The following MGAT4C variants were observed in gnomAD, a reference collection of about 807,000 sequenced individuals.
MGAT4C encodes the protein alpha-1,3-mannosyl-glycoprotein 4-beta-N-acetylglucosaminyltransferase C.
Under a neutral mutation model 40.1 loss-of-function variants are expected in MGAT4C, and 19 were observed. The ratio of observed to expected loss-of-function variants is 0.47; its 90% confidence interval spans 0.33 to 0.70. The LOEUF (loss-of-function observed/expected upper bound fraction) is 0.70, where lower values mean the gene tolerates loss of function less well. Ranked by LOEUF, MGAT4C falls within the 30% of genes least tolerant of loss-of-function variation. MGAT4C has a pLI of 0.02. For missense variants in MGAT4C, 491 were observed against 563.2 expected, an observed-to-expected ratio of 0.87 and a Z score of 1.30; for synonymous variants, 181 against 187.1, an observed-to-expected ratio of 0.97 and a Z score of 0.27.
chr12:86,392,002 TGATGA>T (rs2136229038), intron 3 of MGAT4C, among the ~76,000 whole-genome samples: 1 of 152,322 alleles, frequency 6.6e-6, no homozygotes, highest in South Asian at 2.1e-4. Flanking sequence ...GTTTTCTTAC[TGATGA>T]GATGAGGATA....
intron 2 of MGAT4C, among the ~76,000 whole-genome samples, chr12:86,614,234 T>A (rs560809724): frequency 2.0e-5 from 3 of 152,288 alleles, no homozygotes; most frequent in African/African-American, 7.2e-5. Flanking sequence ...ACAAGCAGAT[T>A]ACATCCTCCA....
intron 1 of MGAT4C, among the ~76,000 whole-genome samples, chr12:86,768,335 G>A (rs1951555560): frequency 6.6e-6 from 1 of 152,096 alleles, no homozygotes; most frequent in African/African-American, 2.4e-5. Flanking sequence ...TCTTCAAGGA[G>A]AACAACAAAC....
chr12:86,138,477 C>CCATATATATATTTCCATAGATATAT (rs1882303814), intron 1 of MGAT4C, among the ~76,000 whole-genome samples: 4 of 125,058 alleles, frequency 3.2e-5, no homozygotes, highest in Admixed American at 9.0e-5. Context: ...CCATATATAT[C>CCATATATATATTTCCATAGATATAT]CATATATATA....
In MGAT4C at chr12:86,641,298, T is replaced by G. The variant is rs1451169607; in HGVS notation, c.-229+85911A>C. Among the ~76,000 whole-genome samples the G allele has an allele frequency of 9.9e-5, 15 of 150,846 alleles. No individual in the cohort carries two copies. In the East Asian group the frequency reaches 2.8e-3, roughly 28 times the overall value. On this transcript the variant is annotated intron_variant, in intron 2 of 7. Transcript: ENST00000548651. ...AAAACCAAACACCACATATTCTCAC[T>G]CATAGGTGGGAATTGAACAATGACA...
chr12:86,370,794 T>C (rs1182075227), intron 3 of MGAT4C, among the ~76,000 whole-genome samples: 1 of 152,084 alleles, frequency 6.6e-6, no homozygotes, highest in African/African-American at 2.4e-5. Flanking sequence ...GTAATTTCAA[T>C]AGTATTGACT....
In MGAT4C at chr12:86,572,805, A is replaced by G. The variant is rs958731995; in HGVS notation, c.-228-137540T>C. The stretch of plus-strand genomic sequence containing the variant: ...CTGTCCTCTTTTTCACGGAGCCTGA[A>G]GCACACATCAATTATCAAATCATCT... On this transcript the variant is annotated intron_variant, in intron 2 of 7. Coordinates refer to the MGAT4C transcript ENST00000548651. Among the ~76,000 whole-genome samples, 5 of 151,994 alleles carry G rather than the reference A, an allele frequency of 3.3e-5. No homozygotes were observed. The South Asian group carries it at 1.0e-3, about 31-fold the overall frequency.
intron 2 of MGAT4C, among the ~76,000 whole-genome samples, chr12:86,561,710 G>T (rs940367614): frequency 3.3e-5 from 5 of 152,280 alleles, no homozygotes; most frequent in African/African-American, 1.2e-4. Context: ...TTGTGATCCT[G>T]TGAGTCAATG....
intron 1 of MGAT4C, among the ~76,000 whole-genome samples, chr12:86,225,358 G>C (rs535685158): frequency 6.6e-6 from 1 of 151,990 alleles, no homozygotes; most frequent in Non-Finnish European, 1.5e-5. Flanking sequence ...GAAATTAGAC[G>C]AGTCAAACAA....
chr12:86,101,000 C>A (rs568853956), intron 1 of MGAT4C, among the ~76,000 whole-genome samples: 1 of 151,816 alleles, frequency 6.6e-6, no homozygotes, highest in South Asian at 2.1e-4. Context: ...CGATAACTAA[C>A]AACAGGCAAG....
chr12:85,979,487 A>G lies in MGAT4C; in HGVS notation c.1239T>C (p.Val413=). 6.2e-7 allele frequency: 1 copy of G among 1,613,340 alleles called. No individual in the cohort carries two copies. Among genetic ancestry groups the G allele is most frequent in the African/African-American group, 1.3e-5 (1 of 74,998 alleles). ...NDILHHGALD[V]GENVMPSKQR... ...GTTTGCTAGGCATAACGTTTTCCCC[A>G]ACATCTAGGGCTCCATGATGCAAAA... is the stretch of plus-strand genomic sequence containing the variant. The change falls in exon 5 of 5, where the codon GTT becomes GTC. Residue 413 remains valine, a synonymous_variant. Transcript: ENST00000611864.
chr12:86,818,315 A>G (rs1566012438), intron 1 of MGAT4C, among the ~76,000 whole-genome samples: 5 of 151,396 alleles, frequency 3.3e-5, no homozygotes, highest in African/African-American at 4.8e-5. Flanking sequence ...TAAATATAAC[A>G]AATTTGGATA....
At chr12:86,343,453 C>A (rs1238839363) in intron 3 of MGAT4C, among the ~76,000 whole-genome samples, 1 of 152,020 alleles carries the variant, frequency 6.6e-6, no homozygotes, top group Admixed American at 6.6e-5. Context: ...CATCCTAAAA[C>A]TGTTTTTTTT....
chr12:86,418,931 T>G (rs949366850), intron 3 of MGAT4C, among the ~76,000 whole-genome samples: 7 of 152,156 alleles, frequency 4.6e-5, no homozygotes, highest in African/African-American at 1.7e-4. Context: ...TCAAATATTC[T>G]GCTGAAATTA....
intron 2 of MGAT4C, chr12:86,435,335 T>C (rs1957117917): frequency 6.6e-6 from 1 of 151,936 alleles, no homozygotes; most frequent in Non-Finnish European, 1.5e-5. Flanking sequence ...GGCACTTGCA[T>C]GTTGAATCTA....
chr12:86,702,901 T>C (rs1486093149), intron 2 of MGAT4C, among the ~76,000 whole-genome samples: 1 of 152,202 alleles, frequency 6.6e-6, no homozygotes, highest in East Asian at 1.9e-4. Context: ...GCAAAGTATA[T>C]TGAAAACCTT....
At chr12:86,114,339 A>G (rs1427615009) in intron 1 of MGAT4C, among the ~76,000 whole-genome samples, 2 of 151,878 alleles carry the variant, frequency 1.3e-5, no homozygotes, top group Non-Finnish European at 2.9e-5. Flanking sequence ...TATTATTGTG[A>G]TCTGAGTAGA....
intron 1 of MGAT4C, among the ~76,000 whole-genome samples, chr12:86,186,352 A>G (rs1226636278): frequency 6.6e-6 from 1 of 152,192 alleles, no homozygotes; most frequent in East Asian, 1.9e-4. Context: ...AATAACTGAC[A>G]TGCTGAGGTC....
chr12:86,320,428 T>C (rs919214101), intron 4 of MGAT4C, among the ~76,000 whole-genome samples: 2 of 152,182 alleles, frequency 1.3e-5, no homozygotes, highest in African/African-American at 4.8e-5. Flanking sequence ...TTCATACTAT[T>C]AGTTTATTAA....
chr12:85,960,586 T>C lies in MGAT4C; in HGVS notation c.*18703A>G, dbSNP rs566780580. 1.3e-5 allele frequency: 2 copies of C among 152,194 alleles called. No homozygotes were observed. The highest frequency in any genetic ancestry group is 3.9e-4 in the East Asian group (2 of 5,190). The allele number at this position is 152,194 out of a possible 1,614,324, so 9.4% of individuals were successfully genotyped here. ...TCAGACTAATTTGGATCATGATTATTGGCCTGTGTCCCACCCATTATTCAC... is the reference window on the plus strand; with the variant it reads ...TCAGACTAATTTGGATCATGATTATCGGCCTGTGTCCCACCCATTATTCAC... On this transcript the variant is annotated 3_prime_UTR_variant, in exon 5 of 5. Transcript: ENST00000611864.
Sources: gnomAD v4.1 joint callset for allele counts (sites outside exome capture counted in the v4.1 genomes callset) on GRCh38, gnomAD v4.1.1 for gene constraint, MANE v1.5 for transcripts, NCBI Gene and HGNC (gene_info 2026-07-23, HGNC 2026-07-21) for gene names.